Variants in ZDHHC21 observed in about 807,000 individuals in gnomAD.
The protein encoded by ZDHHC21 is palmitoyltransferase ZDHHC21.
Under a neutral mutation model 34.6 loss-of-function variants are expected in ZDHHC21, and 15 were observed. That is an observed-to-expected ratio of 0.43 (90% confidence interval 0.29 to 0.67). ZDHHC21 has a LOEUF of 0.67. Ranked by LOEUF, ZDHHC21 falls within the 30% of genes least tolerant of loss-of-function variation. The pLI, the probability that ZDHHC21 is intolerant of heterozygous loss-of-function variation, is 0.14. For missense variants in ZDHHC21, 344 were observed against 327.7 expected (o/e 1.05, Z -0.38); for synonymous variants, 142 against 101.8 (o/e 1.40, Z -2.38).
intron 8 of ZDHHC21, among the ~76,000 whole-genome samples, chr9:14,622,245 C>T (rs1351534953): frequency 6.6e-6 from 1 of 151,962 alleles, no homozygotes; most frequent in Non-Finnish European, 1.5e-5. Context: ...AAATAATGAA[C>T]TAGAAACAGC....
chr9:14,624,381 T>C (rs12003171), intron 8 of ZDHHC21, among the ~76,000 whole-genome samples: 13,105 of 152,108 alleles, frequency 0.086, 1,544 homozygotes, highest in African/African-American at 0.27. Context: ...CCCATGTTTA[T>C]TGCAGCACTC....
rs1191982707 is a variant in ZDHHC21 at position 14,618,201 on chromosome 9, G to C, written c.*765C>G. Reference sequence around the variant, plus strand: ...ATAAAATAGGAATACATGCCCACTGGTCAGGAGTTCTCCTGGGAGCAAATA... The same window carrying C: ...ATAAAATAGGAATACATGCCCACTGCTCAGGAGTTCTCCTGGGAGCAAATA... On this transcript the variant is annotated 3_prime_UTR_variant, in exon 10 of 10. Transcript: ENST00000380916. 1 of 152,406 alleles carries C rather than the reference G, an allele frequency of 6.6e-6. No individual in the cohort carries two copies. Among genetic ancestry groups the C allele is most frequent in the Non-Finnish European group, 1.5e-5 (1 of 67,968 alleles). The allele number at this position is 152,406 out of a possible 1,614,324, so 9.4% of individuals were successfully genotyped here. A position where few individuals can be genotyped will look rare whatever the true frequency, so the allele number is the denominator to read the frequency against.
intron 8 of ZDHHC21, chr9:14,622,655 C>T (rs1825503872): frequency 1.0e-6 from 1 of 985,056 alleles, no homozygotes; most frequent in African/African-American, 1.7e-5. Context: ...TGTTGTCATA[C>T]AGGAGAAAGA....
rs568715563 is a variant in ZDHHC21, at chr9:14,690,580, G to A, written c.-224-195C>T. On this transcript the variant is annotated intron_variant, in intron 1 of 9. Transcript: ENST00000380916. ...GGGGAAGAAGGTTAATCTACCCTGA[G>A]AGAAATAGCACAGAGGAAAAAGCAG... Among the ~76,000 whole-genome samples the A allele has an allele frequency of 1.1e-4, 17 of 152,286 alleles. No individual in the cohort carries two copies. In the South Asian group the frequency reaches 3.3e-3, roughly 30 times the overall value.
chr9:14,605,632 A>G, the ZDHHC21 span, among the ~76,000 whole-genome samples: 3 of 152,190 alleles, frequency 2.0e-5, no homozygotes, highest in African/African-American at 7.2e-5. Flanking sequence ...CTCCCATTCG[A>G]TAGACTGCCA....
At chr9:14,656,122 CA>C (rs1301973161) in intron 7 of ZDHHC21, among the ~76,000 whole-genome samples, 9 of 151,848 alleles carry the variant, frequency 5.9e-5, no homozygotes, top group Non-Finnish European at 1.3e-4. Flanking sequence ...AATGTAGCTT[CA>C]AACTCTCAAC....
intron 2 of ZDHHC21, among the ~76,000 whole-genome samples, chr9:14,680,425 T>C (rs1447004598): frequency 6.6e-6 from 1 of 152,156 alleles, no homozygotes; most frequent in African/African-American, 2.4e-5. Flanking sequence ...TAAAATCAAA[T>C]AAGCATTATA....
chr9:14,604,974 G>A, the ZDHHC21 span, among the ~76,000 whole-genome samples: 2 of 152,106 alleles, frequency 1.3e-5, no homozygotes, highest in East Asian at 1.9e-4. Flanking sequence ...TTGTCCTTCT[G>A]TGGCTGGCTT....
chr9:14,603,289 C>A, the ZDHHC21 span, among the ~76,000 whole-genome samples: 16 of 152,004 alleles, frequency 1.1e-4, no homozygotes, highest in African/African-American at 3.9e-4. Context: ...GAAATAAAAA[C>A]ATAAATTCTT....
At chr9:14,687,851 T>G (rs998412910) in intron 2 of ZDHHC21, among the ~76,000 whole-genome samples, 1 of 150,894 alleles carries the variant, frequency 6.6e-6, no homozygotes, top group Non-Finnish European at 1.5e-5. Flanking sequence ...ACATACCAAT[T>G]TTTTTTCCAC....
intron 7 of ZDHHC21, among the ~76,000 whole-genome samples, chr9:14,642,954 C>T (rs1829635888): frequency 1.3e-5 from 2 of 152,108 alleles, no homozygotes; most frequent in South Asian, 4.1e-4. Context: ...AAAAGTAACA[C>T]TGGGCTGGGT....
intron 5 of ZDHHC21, among the ~76,000 whole-genome samples, chr9:14,664,329 T>C (rs1833977324): frequency 2.6e-5 from 4 of 151,998 alleles, no homozygotes; most frequent in Admixed American, 6.5e-5. Flanking sequence ...ACCACGAGAC[T>C]ATATCCCACA....
At chr9:14,593,006 A>G in the ZDHHC21 span, among the ~76,000 whole-genome samples, 2 of 152,186 alleles carry the variant, frequency 1.3e-5, no homozygotes, top group East Asian at 1.9e-4. Flanking sequence ...TGGTACAGCT[A>G]AAGTAGTACA....
At chr9:14,657,089 T>A (rs952679374) in intron 7 of ZDHHC21, among the ~76,000 whole-genome samples, 1 of 152,068 alleles carries the variant, frequency 6.6e-6, no homozygotes, top group Non-Finnish European at 1.5e-5. Flanking sequence ...CTCTCCAGTT[T>A]CTACCTTTCA....
At chr9:14,629,359 T>A (rs1396002300) in intron 8 of ZDHHC21, among the ~76,000 whole-genome samples, 1 of 152,080 alleles carries the variant, frequency 6.6e-6, no homozygotes, top group African/African-American at 2.4e-5. Context: ...ACCCTTGCAA[T>A]TTGAGAATTA....
chr9:14,609,968 T>G (rs1823149293), downstream of ZDHHC21, among the ~76,000 whole-genome samples: 1 of 152,058 alleles, frequency 6.6e-6, no homozygotes, highest in African/African-American at 2.4e-5. Flanking sequence ...CAGTATGAGA[T>G]CCAACTTTCT....
Position 14,636,388 on chromosome 9 carries a change from C to T in ZDHHC21, c.621+3508G>A, listed in dbSNP as rs539700578. 5.9e-5 allele frequency among the ~76,000 whole-genome samples: 9 copies of T among 152,258 alleles called. No individual in the cohort carries two copies. In the East Asian group the frequency reaches 1.4e-3, roughly 23 times the overall value. ...CAACTCTAAATATATATGCACCCAACACCAGAGTACCCAGATATATAAACC... is the reference window on the plus strand; with the variant it reads ...CAACTCTAAATATATATGCACCCAATACCAGAGTACCCAGATATATAAACC... On this transcript the variant is annotated intron_variant, in intron 8 of 9. Coordinates refer to ENST00000380916, the MANE Select transcript of ZDHHC21 (RefSeq NM_178566.6).
intron 7 of ZDHHC21, among the ~76,000 whole-genome samples, chr9:14,645,760 A>T (rs1392925730): frequency 6.6e-6 from 1 of 152,156 alleles, no homozygotes; most frequent in Non-Finnish European, 1.5e-5. Context: ...AAAATACTTA[A>T]ATAGGCACAC....
intron 7 of ZDHHC21, among the ~76,000 whole-genome samples, chr9:14,651,848 TA>T (rs1403115197): frequency 2.6e-5 from 4 of 151,946 alleles, no homozygotes; most frequent in African/African-American, 9.7e-5. Context: ...TGGACCTTGG[TA>T]AAAAATGAAA....
Sources: allele counts gnomAD v4.1 joint callset (sites outside exome capture counted in the v4.1 genomes callset), GRCh38; gene constraint gnomAD v4.1.1; transcripts MANE v1.5; gene names NCBI Gene and HGNC (gene_info 2026-07-23, HGNC 2026-07-21).